CLVS1: variants seen among roughly 807,000 people sequenced by gnomAD.
CLVS1 encodes the protein clavesin-1.
Under a neutral mutation model 33.1 loss-of-function variants are expected in CLVS1, and 10 were observed. The observed-to-expected ratio is 0.30, with a 90% CI of 0.19 to 0.51. The LOEUF is 0.51. Ranked by LOEUF, CLVS1 falls within the 20% of genes least tolerant of loss-of-function variation. The pLI is 0.97. For synonymous variants in CLVS1, 163 were observed against 166.1 expected (o/e 0.98, Z 0.14); for missense variants, 343 against 433.4 (o/e 0.79, Z 1.85).
At chr8:61,056,795 C>T (rs917147530), upstream of CLVS1, among the ~76,000 whole-genome samples, 1 of 152,196 alleles carries the variant, frequency 6.6e-6, no homozygotes, top group Non-Finnish European at 1.5e-5. Context: ...TTAACACTTC[C>T]CATCTCTTGG....
intron 1 of CLVS1, among the ~76,000 whole-genome samples, chr8:61,095,470 C>T (rs995288538): frequency 6.6e-6 from 1 of 152,122 alleles, no homozygotes; most frequent in Admixed American, 6.5e-5. Context: ...ACACAGGGCG[C>T]GCCTAGGAGG....
upstream of CLVS1, chr8:61,287,959 C>T (rs2129593552): frequency 2.6e-6 from 1 of 383,854 alleles, no homozygotes; most frequent in South Asian, 1.9e-5. Context: ...GACAGAGAAT[C>T]GGGCGCACAC....
intron 2 of CLVS1, among the ~76,000 whole-genome samples, chr8:61,363,675 C>T (rs1813076210): frequency 6.6e-6 from 1 of 152,186 alleles, no homozygotes; most frequent in South Asian, 2.1e-4. Flanking sequence ...GCTAAATGAA[C>T]TATGTTGACC....
At chr8:61,476,602 T>G (rs1184075043) in intron 5 of CLVS1, among the ~76,000 whole-genome samples, 1 of 152,224 alleles carries the variant, frequency 6.6e-6, no homozygotes, top group African/African-American at 2.4e-5. Context: ...TCTGTTTGTC[T>G]ATTATTGGTA....
At chr8:61,337,124 C>G (rs971921381) in intron 2 of CLVS1, among the ~76,000 whole-genome samples, 1 of 152,122 alleles carries the variant, frequency 6.6e-6, no homozygotes, top group African/African-American at 2.4e-5. Context: ...ACTACAAGAT[C>G]AGGGAAACCA....
chr8:61,013,834 G>A, the CLVS1 span, among the ~76,000 whole-genome samples: 1 of 152,160 alleles, frequency 6.6e-6, no homozygotes, highest in African/African-American at 2.4e-5. Context: ...AAAAATTCAT[G>A]TGATCCAGCT....
rs187890482 is a variant in CLVS1 at position 61,074,748 on chromosome 8, G to A, written c.-243+17518G>A. 8.7e-4 allele frequency among the ~76,000 whole-genome samples: 133 copies of A among 152,008 alleles called. 1 individual carries two copies. Among genetic ancestry groups the A allele is most frequent in the Admixed American group, 4.3e-3 (65 of 15,236 alleles). ...TTGTGGGAGTGGGTGGATGGTGGGG[G>A]CAGTGTAGACAATAATATTACCTTG... On this transcript the variant is annotated intron_variant, in intron 1 of 2. Coordinates refer to the CLVS1 transcript ENST00000522621.
At chr8:61,138,187 T>C (rs909853302) in intron 2 of CLVS1, among the ~76,000 whole-genome samples, 11 of 152,222 alleles carry the variant, frequency 7.2e-5, no homozygotes, top group Middle Eastern at 3.4e-3. Context: ...TCAGGAAGGT[T>C]TGAGTCTCAA....
chr8:61,326,739 A>G (rs944886437), intron 2 of CLVS1, among the ~76,000 whole-genome samples: 1 of 152,202 alleles, frequency 6.6e-6, no homozygotes, highest in Non-Finnish European at 1.5e-5. Context: ...CATCTAACAT[A>G]AATAAGTACT....
intron 2 of CLVS1, among the ~76,000 whole-genome samples, chr8:61,147,283 C>T (rs527570153): frequency 6.6e-6 from 1 of 152,292 alleles, no homozygotes; most frequent in East Asian, 1.9e-4. Context: ...TGAAGCCTCA[C>T]TCAATGAAAC....
At chr8:61,158,400 A>G (rs1168978896) in intron 2 of CLVS1, among the ~76,000 whole-genome samples, 2 of 152,196 alleles carry the variant, frequency 1.3e-5, no homozygotes, top group African/African-American at 4.8e-5. Context: ...GACTGATTGG[A>G]CAGTACATTT....
chr8:61,001,922 C>G, the CLVS1 span, among the ~76,000 whole-genome samples: 1 of 152,140 alleles, frequency 6.6e-6, no homozygotes, highest in Non-Finnish European at 1.5e-5. Flanking sequence ...CTCAATCTGT[C>G]GACTGTAATT....
chr8:61,167,135 T>G (rs1249267212), intron 2 of CLVS1, among the ~76,000 whole-genome samples: 1 of 151,726 alleles, frequency 6.6e-6, no homozygotes, highest in African/African-American at 2.4e-5. Flanking sequence ...TGTTCTTTTA[T>G]TTGCTTCTGC....
intron 3 of CLVS1, among the ~76,000 whole-genome samples, chr8:61,441,315 A>G (rs536262838): frequency 3.9e-5 from 6 of 152,264 alleles, no homozygotes; most frequent in African/African-American, 1.4e-4. Context: ...CCTCCCTTAC[A>G]CTAAAGGGAA....
intron 2 of CLVS1, among the ~76,000 whole-genome samples, chr8:61,214,935 C>G (rs1808053370): frequency 2.0e-5 from 3 of 152,162 alleles, no homozygotes; most frequent in Admixed American, 1.3e-4. Context: ...ACCTCTCATA[C>G]TTGTGTGTGC....
chr8:61,459,630 A>C (rs1817297782), intron 5 of CLVS1, among the ~76,000 whole-genome samples: 1 of 152,082 alleles, frequency 6.6e-6, no homozygotes, highest in Non-Finnish European at 1.5e-5. Context: ...AATCCCCTTC[A>C]GCCACTATTC....
intron 1 of CLVS1, among the ~76,000 whole-genome samples, chr8:61,104,132 G>T (rs963663093): frequency 6.6e-6 from 1 of 152,140 alleles, no homozygotes; most frequent in Non-Finnish European, 1.5e-5. Flanking sequence ...TTAGCTCATT[G>T]TTCTTCTTTG....
Position 61,173,625 on chromosome 8 carries a change from G to A in CLVS1, c.-152+41765G>A, listed in dbSNP as rs1585662446. ...TGACCCAAAGATCATTCAGGGGAAG[G>A]AGACCCTATGATTATCACAGCATAT... is the stretch of plus-strand genomic sequence containing the variant. On this transcript the variant is annotated intron_variant, in intron 2 of 2. Coordinates refer to the CLVS1 transcript ENST00000522621. 3.3e-5 allele frequency among the ~76,000 whole-genome samples: 5 copies of A among 152,268 alleles called. No individual in the cohort carries two copies. In the South Asian group the frequency reaches 1.0e-3, roughly 32 times the overall value.
chr8:61,420,915 G>A (rs961538273), intron 3 of CLVS1, among the ~76,000 whole-genome samples: 3 of 152,014 alleles, frequency 2.0e-5, no homozygotes, highest in African/African-American at 7.2e-5. Flanking sequence ...AGGTTGCAGT[G>A]AGCCGAGATC....
Sources: allele counts gnomAD v4.1 joint callset (sites outside exome capture counted in the v4.1 genomes callset), GRCh38; gene constraint gnomAD v4.1.1; transcripts MANE v1.5; gene names NCBI Gene and HGNC (gene_info 2026-07-23, HGNC 2026-07-21).